MTR: variants seen among roughly 807,000 people sequenced by gnomAD.
MTR encodes the protein 5-methyltetrahydrofolate-homocysteine methyltransferase.
Under a neutral mutation model 154.8 loss-of-function variants are expected in MTR, and 84 were observed. The observed-to-expected ratio is 0.54, with a 90% CI of 0.45 to 0.65. MTR has a LOEUF of 0.65. MTR is among the 30% of genes least tolerant of loss of function. MTR has a pLI of 0.00. For missense variants in MTR, 1,275 were observed against 1,570.2 expected, an observed-to-expected ratio of 0.81 and a Z score of 3.18; for synonymous variants, 554 against 553.9, an observed-to-expected ratio of 1.00 and a Z score of 0.00.
At chr1:236,820,257 A>G in intron 8 of MTR, 1 of 753,862 alleles carries the variant, frequency 1.3e-6, no homozygotes, top group Non-Finnish European at 2.4e-6. Context: ...GAGATCCTGA[A>G]GAGATTGAAA....
At chr1:236,828,267 G>A (rs1297843224) in intron 11 of MTR, among the ~76,000 whole-genome samples, 1 of 152,140 alleles carries the variant, frequency 6.6e-6, no homozygotes. Flanking sequence ...GTGAGCCACC[G>A]CGCCTGGCCT....
At chr1:236,824,516 T>A (rs543935029) in intron 9 of MTR, among the ~76,000 whole-genome samples, 4 of 152,134 alleles carry the variant, frequency 2.6e-5, no homozygotes, top group Non-Finnish European at 5.9e-5. Context: ...AAGATGGGTG[T>A]AAGGAAGAGA....
chr1:236,810,914 G>A (rs1661266633), intron 5 of MTR, among the ~76,000 whole-genome samples: 1 of 152,202 alleles, frequency 6.6e-6, no homozygotes, highest in Non-Finnish European at 1.5e-5. Context: ...TACTAGGTTT[G>A]TGGTCTATTA....
rs1398789197 is a variant in MTR, at chr1:236,880,784, G to C, written c.2624G>C (p.Arg875Thr). The change falls in exon 25 of 33, where the codon AGA (arginine) becomes ACA (threonine). Residue 875 changes from arginine to threonine, a missense_variant. Physicochemically the swap from Arg to Thr is moderately conservative, Grantham distance 71. Coordinates refer to ENST00000366577, the MANE Select transcript of MTR (RefSeq NM_000254.3). ...CACACAGCAGTTAAAATAGCTCCGA[G>C]ATACAGTGCACCTGTAATCCATGTC... ...KTHTAVKIAP[R>T]YSAPVIHVLD... 1 of 1,614,054 alleles carries C rather than the reference G, an allele frequency of 6.2e-7. No individual in the cohort carries two copies. The highest frequency in any genetic ancestry group is 2.2e-5 in the East Asian group (1 of 44,890).
chr1:236,861,098 T>TTTTTTTTTTTTTTTTTTTTTTTTC, intron 19 of MTR, 27 bp from the exon 20 acceptor site: 3 of 361,098 alleles, frequency 8.3e-6, no homozygotes, highest in South Asian at 3.5e-5. Context: ...TTTCTTTTTC[T>TTTTTTTTTTTTTTTTTTTTTTTTC]TTTTTTTTTT....
In MTR at chr1:236,897,182, A is replaced by G; in HGVS notation, c.3711+64A>G. 4.1e-6 allele frequency: 5 copies of G among 1,206,802 alleles called. No homozygotes were observed. The Admixed American group carries it at 8.4e-5, about 20-fold the overall frequency. 74.8% of individuals were successfully genotyped at this position (1,206,802 alleles called of 1,614,324 possible). On this transcript the variant is annotated intron_variant, in intron 32 of 32. Coordinates refer to ENST00000366577, the MANE Select transcript of MTR (RefSeq NM_000254.3). ...CAAATGAAATTCTAGAACCTCTCTC[A>G]TTTTAAATGTGAATGAGAATAAAGT...
chr1:236,843,117 A>G (rs1663360603), intron 15 of MTR, among the ~76,000 whole-genome samples: 2 of 151,166 alleles, frequency 1.3e-5, no homozygotes, highest in Admixed American at 6.6e-5. Context: ...GTGTGTGTAT[A>G]TACACACGTT....
intron 8 of MTR, chr1:236,819,610 A>G (rs55698601): frequency 4.3e-6 from 2 of 462,900 alleles, no homozygotes; most frequent in South Asian, 1.8e-5. Flanking sequence ...CTGGATTCCC[A>G]TGTAACTTAA....
intron 21 of MTR, 148 bp downstream of exon 21, chr1:236,862,491 C>A: frequency 1.5e-6 from 1 of 687,766 alleles, no homozygotes; most frequent in Non-Finnish European, 2.6e-6. Flanking sequence ...CCTTTTTTAA[C>A]CGAGTATCAG....
chr1:236,855,653 A>G (rs1186734066), intron 18 of MTR, among the ~76,000 whole-genome samples: 1 of 152,192 alleles, frequency 6.6e-6, no homozygotes, highest in Non-Finnish European at 1.5e-5. Flanking sequence ...TTGATAACCT[A>G]CACAACCGTG....
chr1:236,852,725 C>T, intron 17 of MTR, 88 bp downstream of exon 17: 1 of 1,257,678 alleles, frequency 8.0e-7, no homozygotes, highest in Admixed American at 1.7e-5. Flanking sequence ...CTAAGTCCGG[C>T]CTGCTGCCAG....
chr1:236,861,903 G>A (rs2103305189), intron 20 of MTR, among the ~76,000 whole-genome samples: 1 of 152,306 alleles, frequency 6.6e-6, no homozygotes, highest in East Asian at 1.9e-4. Flanking sequence ...TGAGCTCATG[G>A]TGGAGAAGCT....
rs1402296900 is a variant in MTR, at chr1:236,863,524, T to C, written c.2375T>C (p.Val792Ala). Residue 792 changes from valine to alanine, a missense_variant, in exon 22 of 33, where the codon GTT (valine) becomes GCT (alanine). Transcript: ENST00000366577. ...GTGCACGACATAGGCAAGAACATAG[T>C]TGGAGTAGTCCTTGGCTGCAATAAT... Reference protein sequence around the residue: ...GDVHDIGKNIVGVVLGCNNFR... With the variant: ...GDVHDIGKNIAGVVLGCNNFR... 7 of 1,614,108 alleles carry C rather than the reference T, an allele frequency of 4.3e-6. No homozygotes were observed. Among genetic ancestry groups the C allele is most frequent in the Non-Finnish European group, 5.9e-6 (7 of 1,179,964 alleles).
At chr1:236,861,320 C>G in intron 20 of MTR, 43 bp downstream of exon 20, 2 of 1,613,042 alleles carry the variant, frequency 1.2e-6, no homozygotes, top group Non-Finnish European at 1.7e-6. Context: ...TGCATCTTTT[C>G]TTTGTCATTT....
intron 23 of MTR, among the ~76,000 whole-genome samples, chr1:236,874,481 G>A (rs1251543495): frequency 6.6e-6 from 1 of 151,176 alleles, no homozygotes; most frequent in Non-Finnish European, 1.5e-5. Flanking sequence ...AGGGGCAGGA[G>A]AATCGCTTGA....
intron 6 of MTR, among the ~76,000 whole-genome samples, chr1:236,813,110 A>G (rs1661395918): frequency 6.6e-6 from 1 of 152,192 alleles, no homozygotes; most frequent in Non-Finnish European, 1.5e-5. Context: ...ATCCTGAGGT[A>G]ATACATGCTG....
chr1:236,829,087 T>TA (rs1305412135), intron 11 of MTR, 102 bp from the exon 12 acceptor site: 1 of 905,258 alleles, frequency 1.1e-6, no homozygotes, highest in Non-Finnish European at 1.8e-6. Context: ...ATAGTTATGT[T>TA]AAATAGACTT....
At chr1:236,874,236 G>A (rs907369750) in intron 23 of MTR, among the ~76,000 whole-genome samples, 6 of 152,068 alleles carry the variant, frequency 3.9e-5, no homozygotes, top group Admixed American at 3.9e-4. Flanking sequence ...ACTACCAAAA[G>A]CAAACAATAG....
chr1:236,890,868 G>T (rs1266357726), intron 28 of MTR, among the ~76,000 whole-genome samples: 1 of 152,100 alleles, frequency 6.6e-6, no homozygotes, highest in African/African-American at 2.4e-5. Flanking sequence ...CACAGCTTTG[G>T]CTCTCTGCTT....
Sources: allele counts gnomAD v4.1 joint callset (sites outside exome capture counted in the v4.1 genomes callset), GRCh38; gene constraint gnomAD v4.1.1; transcripts MANE v1.5; gene names NCBI Gene and HGNC (gene_info 2026-07-23, HGNC 2026-07-21).